Variants in CERT1 observed in about 807,000 individuals in gnomAD.
CERT1 encodes ceramide transporter 1.
Under a neutral mutation model 87.9 loss-of-function variants are expected in CERT1, and 31 were observed. The observed-to-expected ratio is 0.35, with a 90% confidence interval of 0.27 to 0.48. The LOEUF (loss-of-function observed/expected upper bound fraction) is 0.48. CERT1 is among the 20% of genes least tolerant of loss of function. CERT1 has a pLI of 0.99. For missense variants in CERT1, 487 were observed against 758.0 expected (o/e 0.64, Z 4.20); for synonymous variants, 289 against 250.9 (o/e 1.15, Z -1.44).
At chr5:75,463,726 G>A (rs1209511684) in intron 2 of CERT1, among the ~76,000 whole-genome samples, 1 of 152,180 alleles carries the variant, frequency 6.6e-6, no homozygotes, top group East Asian at 1.9e-4. Context: ...AGGGAAGAAG[G>A]CTTTATAGGG....
At chr5:75,400,373 G>C in intron 9 of CERT1, 76 bp from the exon 10 acceptor site, 2 of 989,730 alleles carry the variant, frequency 2.0e-6, no homozygotes, top group African/African-American at 3.3e-5. Context: ...AATATAACCT[G>C]GAACTACCAA....
At chr5:75,426,746 CAGAA>C (rs1228382576) in intron 3 of CERT1, among the ~76,000 whole-genome samples, 2 of 152,056 alleles carry the variant, frequency 1.3e-5, no homozygotes, top group Non-Finnish European at 2.9e-5. Flanking sequence ...AATTCATAGA[CAGAA>C]AGCAGAATAG....
intron 3 of CERT1, among the ~76,000 whole-genome samples, chr5:75,441,239 C>A (rs1764307918): frequency 6.6e-6 from 1 of 152,064 alleles, no homozygotes; most frequent in Non-Finnish European, 1.5e-5. Context: ...ATATTCAGTA[C>A]AATAGCATGT....
chr5:75,470,528 G>T (rs72633970), intron 2 of CERT1, among the ~76,000 whole-genome samples: 18,977 of 152,058 alleles, frequency 0.12, 1,309 homozygotes, highest in East Asian at 0.23. Context: ...AAAACCCTAT[G>T]ATCAATAGAT....
Position 75,511,412 on chromosome 5 carries a change from C to A in CERT1, c.-205G>T. ...GAGCGGAGCGAGGAAGGAGGACGAG[C>A]GGTGAAGGAAGCCTACCCTTCCAGC... is the stretch of plus-strand genomic sequence containing the variant. On this transcript the variant is annotated 5_prime_UTR_variant, in exon 1 of 17. Transcript: ENST00000643780. The A allele has an allele frequency of 6.5e-7, 1 of 1,545,382 alleles. No homozygotes were observed. Among genetic ancestry groups the A allele is most frequent in the Non-Finnish European group, 8.7e-7 (1 of 1,145,546 alleles).
intron 16 of CERT1, among the ~76,000 whole-genome samples, chr5:75,379,681 G>A (rs1761482482): frequency 6.6e-6 from 1 of 152,126 alleles, no homozygotes; most frequent in Non-Finnish European, 1.5e-5. Context: ...CGCCTCCGGG[G>A]TTCAAGTGAT....
intron 3 of CERT1, among the ~76,000 whole-genome samples, chr5:75,446,692 T>C (rs1244307214): frequency 1.3e-5 from 2 of 152,220 alleles, no homozygotes; most frequent in Non-Finnish European, 2.9e-5. Flanking sequence ...GTAGGCTATT[T>C]CTGTGCCAAG....
chr5:75,488,173 T>C (rs144350803), intron 2 of CERT1, among the ~76,000 whole-genome samples: 23 of 152,112 alleles, frequency 1.5e-4, no homozygotes, highest in Admixed American at 9.8e-4. Context: ...AACAAAAATT[T>C]ACTGTACATT....
At chr5:75,430,063 G>A (rs534481572) in intron 3 of CERT1, among the ~76,000 whole-genome samples, 1 of 152,038 alleles carries the variant, frequency 6.6e-6, no homozygotes, top group East Asian at 1.9e-4. Context: ...AGGAGGAAAG[G>A]AATCTGTAAC....
At chr5:75,504,321 T>C (rs1767551464) in intron 2 of CERT1, among the ~76,000 whole-genome samples, 1 of 152,156 alleles carries the variant, frequency 6.6e-6, no homozygotes. Flanking sequence ...AAATAAATAC[T>C]GAGCCTTTAT....
chr5:75,435,599 T>C (rs1335455294), intron 3 of CERT1, among the ~76,000 whole-genome samples: 1 of 152,198 alleles, frequency 6.6e-6, no homozygotes, highest in Non-Finnish European at 1.5e-5. Flanking sequence ...TAGGGCTTTC[T>C]TTTTTTATAT....
intron 11 of CERT1, among the ~76,000 whole-genome samples, chr5:75,390,542 A>G (rs916343411): frequency 3.9e-5 from 6 of 152,144 alleles, no homozygotes; most frequent in Non-Finnish European, 8.8e-5. Flanking sequence ...TATGTAAATA[A>G]GCAAAGAAAG....
intron 10 of CERT1, 85 bp downstream of exon 10, chr5:75,400,120 G>A: frequency 2.0e-6 from 2 of 1,020,350 alleles, no homozygotes; most frequent in Admixed American, 2.1e-5. Flanking sequence ...GACAGAGTGA[G>A]ACTCCGTCTC....
chr5:75,511,018 C>G, intron 1 of CERT1, 94 bp downstream of exon 1: 1 of 1,420,702 alleles, frequency 7.0e-7, no homozygotes, highest in Non-Finnish European at 9.2e-7. Flanking sequence ...CGGCACGTTC[C>G]GCGCCTCCCG....
At chr5:75,448,202 A>G (rs1192348674) in intron 3 of CERT1, among the ~76,000 whole-genome samples, 1 of 152,208 alleles carries the variant, frequency 6.6e-6, no homozygotes, top group Non-Finnish European at 1.5e-5. Context: ...ATAACACATT[A>G]AAGTGCTGAA....
At chr5:75,396,467 C>T (rs1193639061) in intron 11 of CERT1, among the ~76,000 whole-genome samples, 1 of 152,116 alleles carries the variant, frequency 6.6e-6, no homozygotes, top group Admixed American at 6.5e-5. Flanking sequence ...CGGCTCATGC[C>T]TGTAATCCCA....
downstream of CERT1, chr5:75,373,760 C>T: frequency 4.3e-6 from 1 of 234,064 alleles, no homozygotes; most frequent in Non-Finnish European, 8.2e-6. Context: ...GCACAGAAAG[C>T]ACATGCCCCA....
chr5:75,490,493 A>C (rs991182623), intron 2 of CERT1, among the ~76,000 whole-genome samples: 4 of 149,080 alleles, frequency 2.7e-5, no homozygotes, highest in African/African-American at 9.8e-5. Flanking sequence ...CCTGTACGAA[A>C]TTTTTATTTA....
chr5:75,503,120 T>C (rs1561309044), intron 2 of CERT1, among the ~76,000 whole-genome samples: 1 of 152,008 alleles, frequency 6.6e-6, no homozygotes, highest in Non-Finnish European at 1.5e-5. Context: ...TTTTTATAAA[T>C]TAAGAGTGAT....
Sources: gnomAD v4.1 joint callset for allele counts (sites outside exome capture counted in the v4.1 genomes callset) on GRCh38, gnomAD v4.1.1 for gene constraint, MANE v1.5 for transcripts, NCBI Gene and HGNC (gene_info 2026-07-23, HGNC 2026-07-21) for gene names.